ARHGAP18: variants seen among roughly 807,000 people sequenced by gnomAD.
ARHGAP18 encodes rho GTPase-activating protein 18.
Under a neutral mutation model 86.2 loss-of-function variants are expected in ARHGAP18, and 67 were observed. That is an observed-to-expected ratio of 0.78 (90% CI 0.64 to 0.95). The LOEUF (loss-of-function observed/expected upper bound fraction) is 0.95, where lower values mean the gene tolerates loss of function less well. Ranked by LOEUF, ARHGAP18 falls within the 40% of genes least tolerant of loss-of-function variation. The pLI is 0.00. For synonymous variants in ARHGAP18, 283 were observed against 280.4 expected (o/e 1.01, Z -0.09); for missense variants, 691 against 780.4 (o/e 0.89, Z 1.37).
chr6:129,695,330 C>T (rs1286137358), intron 1 of ARHGAP18, among the ~76,000 whole-genome samples: 2 of 152,102 alleles, frequency 1.3e-5, no homozygotes, highest in African/African-American at 2.4e-5. Context: ...AATATTGAAC[C>T]ACAAAACTCT....
chr6:129,634,007 A>C, intron 4 of ARHGAP18, 35 bp downstream of exon 4: 2 of 912,532 alleles, frequency 2.2e-6, no homozygotes, highest in Non-Finnish European at 2.9e-6. Flanking sequence ...TAAAGGGCGG[A>C]AAAAAAAAAA....
At chr6:129,624,158 T>C (rs1789290004) in intron 5 of ARHGAP18, among the ~76,000 whole-genome samples, 1 of 152,226 alleles carries the variant, frequency 6.6e-6, no homozygotes, top group Non-Finnish European at 1.5e-5. Flanking sequence ...CAACAATGAC[T>C]TCATTTTGTT....
intron 1 of ARHGAP18, among the ~76,000 whole-genome samples, chr6:129,700,779 C>CA (rs1478200075): frequency 6.6e-6 from 1 of 151,856 alleles, no homozygotes; most frequent in African/African-American, 2.4e-5. Context: ...CAGAAGGAAA[C>CA]AAAAAAATTG....
intron 13 of ARHGAP18, among the ~76,000 whole-genome samples, chr6:129,580,881 G>GA (rs907039552): frequency 7.5e-5 from 11 of 146,270 alleles, no homozygotes; most frequent in South Asian, 4.3e-4. Flanking sequence ...TCTCCAAAAA[G>GA]AAAAAAAAAA....
chr6:129,632,811 G>A lies in ARHGAP18; in HGVS notation c.616+1231C>T, dbSNP rs1773246911. 2.0e-5 allele frequency among the ~76,000 whole-genome samples: 3 copies of A among 152,128 alleles called. 1 individual carries two copies. The highest frequency in any genetic ancestry group is 6.5e-5 in the Admixed American group (1 of 15,272). On this transcript the variant is annotated intron_variant, in intron 4 of 14. Coordinates refer to ENST00000368149, the MANE Select transcript of ARHGAP18 (RefSeq NM_033515.3). ...AGAGAGAAGTTCTGAGGAAAGTATG[G>A]AAGGAAAAGATCCCATATGATCTTG...
In ARHGAP18 at chr6:129,615,892, G is replaced by A. The variant is rs150578417; in HGVS notation, c.1044+320C>T. Among the ~76,000 whole-genome samples the A allele has an allele frequency of 6.4e-3, 972 of 152,248 alleles. 15 individuals carry two copies. Among genetic ancestry groups the A allele is most frequent in the African/African-American group, 0.022 (913 of 41,532 alleles). Reference sequence around the variant, plus strand: ...ATATACACAGGCATGAAATATTCATGAGGATGCAATTCCCTAGAAATTTAT... The same window carrying A: ...ATATACACAGGCATGAAATATTCATAAGGATGCAATTCCCTAGAAATTTAT... On this transcript the variant is annotated intron_variant, in intron 7 of 14. Coordinates refer to ENST00000368149, the MANE Select transcript of ARHGAP18 (RefSeq NM_033515.3).
chr6:129,662,391 G>T (rs1411559743), intron 1 of ARHGAP18, among the ~76,000 whole-genome samples: 2 of 152,352 alleles, frequency 1.3e-5, no homozygotes, highest in South Asian at 4.1e-4. Flanking sequence ...TCCTTTTGAA[G>T]TGGGTGCAAT....
intron 12 of ARHGAP18, among the ~76,000 whole-genome samples, chr6:129,595,613 CT>C (rs1788602247): frequency 6.6e-6 from 1 of 152,144 alleles, no homozygotes; most frequent in Non-Finnish European, 1.5e-5. Flanking sequence ...TCCCTCAAAT[CT>C]TTCCTTCACC....
chr6:129,594,088 G>T (rs1788569449), intron 12 of ARHGAP18, among the ~76,000 whole-genome samples: 1 of 152,124 alleles, frequency 6.6e-6, no homozygotes, highest in African/African-American at 2.4e-5. Flanking sequence ...TGGGACTACA[G>T]GTGCATGCCA....
chr6:129,670,655 T>G (rs573691483), intron 1 of ARHGAP18, among the ~76,000 whole-genome samples: 5 of 151,922 alleles, frequency 3.3e-5, no homozygotes, highest in African/African-American at 1.2e-4. Flanking sequence ...GGAGACTCAT[T>G]CAGATTCACC....
At chr6:129,637,143 C>T (rs1426172562) in intron 3 of ARHGAP18, among the ~76,000 whole-genome samples, 1 of 151,838 alleles carries the variant, frequency 6.6e-6, no homozygotes, top group Non-Finnish European at 1.5e-5. Context: ...CAGCTCACTG[C>T]AGCCTCGACC....
intron 13 of ARHGAP18, among the ~76,000 whole-genome samples, 183 bp from the exon 14 acceptor site, chr6:129,580,314 C>T (rs1788262236): frequency 6.6e-6 from 1 of 152,066 alleles, no homozygotes; most frequent in Non-Finnish European, 1.5e-5. Flanking sequence ...AAGTATCACA[C>T]CTGTAAATTA....
chr6:129,663,808 A>T (rs1584100339), intron 1 of ARHGAP18, among the ~76,000 whole-genome samples: 1 of 152,384 alleles, frequency 6.6e-6, no homozygotes, highest in African/African-American at 2.4e-5. Context: ...ATTCTCCACC[A>T]TATCCACACG....
chr6:129,582,084 G>A (rs1188488464), intron 13 of ARHGAP18, among the ~76,000 whole-genome samples: 7 of 151,996 alleles, frequency 4.6e-5, no homozygotes, highest in South Asian at 4.2e-4. Flanking sequence ...GACTGGGGGC[G>A]GAAGTGAGGT....
intron 12 of ARHGAP18, among the ~76,000 whole-genome samples, chr6:129,590,055 CCTG>C (rs1279994651): frequency 1.3e-5 from 2 of 152,174 alleles, no homozygotes; most frequent in East Asian, 1.9e-4. Context: ...CTTTCTTCTG[CCTG>C]CTTTTATTCT....
Position 129,578,642 on chromosome 6 carries a change from G to A in ARHGAP18, c.1901-38C>T. 2.7e-6 allele frequency: 4 copies of A among 1,491,934 alleles called. No individual in the cohort carries two copies. In the African/African-American group the frequency reaches 4.2e-5, roughly 16 times the overall value. The allele number at this position is 1,491,934 out of a possible 1,614,324, so 92.4% of individuals were successfully genotyped here. The stretch of plus-strand genomic sequence containing the variant: ...ATGTTGTGTCAGTTTAATACAGCAG[G>A]TAGATTGGTATGCAATTTTAAACTT... On this transcript the variant is annotated intron_variant, in intron 14 of 14. Transcript: ENST00000368149.
chr6:129,617,080 C>A (rs1385168566), intron 6 of ARHGAP18, among the ~76,000 whole-genome samples: 1 of 152,152 alleles, frequency 6.6e-6, no homozygotes, highest in African/African-American at 2.4e-5. Context: ...TCTTGTTCTA[C>A]AAATGTTTCT....
At chr6:129,622,444 G>T (rs1034488537) in intron 5 of ARHGAP18, among the ~76,000 whole-genome samples, 1 of 152,098 alleles carries the variant, frequency 6.6e-6, no homozygotes, top group Admixed American at 6.5e-5. Context: ...AATGTTTACA[G>T]AATCCTGAAA....
At chr6:129,667,469 ATGTG>A (rs376500003) in intron 1 of ARHGAP18, among the ~76,000 whole-genome samples, 13,770 of 104,148 alleles carry the variant, frequency 0.13, 757 homozygotes, top group Admixed American at 0.19. Flanking sequence ...AAAAATATAT[ATGTG>A]TGTGTGTGTG....
Sources: allele counts gnomAD v4.1 joint callset (sites outside exome capture counted in the v4.1 genomes callset), GRCh38; gene constraint gnomAD v4.1.1; transcripts MANE v1.5; gene names NCBI Gene and HGNC (gene_info 2026-07-23, HGNC 2026-07-21).